The following ZMAT4 variants were observed in gnomAD, a reference collection of about 807,000 sequenced individuals.
ZMAT4 encodes zinc finger matrin-type protein 4.
Under a neutral mutation model 28.7 loss-of-function variants are expected in ZMAT4, and 17 were observed. The observed-to-expected ratio is 0.59, with a 90% CI of 0.41 to 0.89. The LOEUF is 0.89. ZMAT4 is among the 40% of genes least tolerant of loss of function. ZMAT4 has a pLI of 0.00. For missense variants in ZMAT4, 240 were observed against 283.8 expected, an observed-to-expected ratio of 0.85 and a Z score of 1.11; for synonymous variants, 117 against 109.2, an observed-to-expected ratio of 1.07 and a Z score of -0.44.
At chr8:40,634,984 G>A (rs561088055) in intron 5 of ZMAT4, among the ~76,000 whole-genome samples, 97 of 152,180 alleles carry the variant, frequency 6.4e-4, no homozygotes, top group African/African-American at 2.2e-3. Flanking sequence ...AATATTTCTG[G>A]AATCCAATTA....
chr8:40,670,109 G>A (rs963828843), intron 5 of ZMAT4, among the ~76,000 whole-genome samples: 6 of 152,126 alleles, frequency 3.9e-5, no homozygotes, highest in Non-Finnish European at 5.9e-5. Context: ...CGAGAAAGAA[G>A]AAGAAAGTTG....
intron 3 of ZMAT4, among the ~76,000 whole-genome samples, chr8:40,722,047 G>A (rs1382467531): frequency 6.6e-6 from 1 of 151,966 alleles, no homozygotes; most frequent in Non-Finnish European, 1.5e-5. Flanking sequence ...AGATTTAAAT[G>A]TTAGACCTAA....
At chr8:40,731,905 T>A (rs12548788) in intron 3 of ZMAT4, among the ~76,000 whole-genome samples, 38,482 of 152,032 alleles carry the variant, frequency 0.25, 5,531 homozygotes, top group East Asian at 0.56. Context: ...AAAGAAGGAA[T>A]TTCTGACAAA....
At chr8:40,739,954 G>A (rs1811931324) in intron 3 of ZMAT4, among the ~76,000 whole-genome samples, 1 of 152,176 alleles carries the variant, frequency 6.6e-6, no homozygotes, top group Non-Finnish European at 1.5e-5. Flanking sequence ...CTTCATCCAT[G>A]TCCCTGAAAA....
At chr8:40,576,893 A>G (rs191303977) in intron 6 of ZMAT4, among the ~76,000 whole-genome samples, 5 of 152,292 alleles carry the variant, frequency 3.3e-5, no homozygotes, top group East Asian at 3.9e-4. Flanking sequence ...AAAGAAAGTC[A>G]GTGTATTTAA....
At chr8:40,596,118 A>C (rs1012759379) in intron 5 of ZMAT4, among the ~76,000 whole-genome samples, 4 of 151,934 alleles carry the variant, frequency 2.6e-5, no homozygotes, top group Non-Finnish European at 5.9e-5. Context: ...AACAAAAAAA[A>C]CCCCACAATA....
rs574198312 is a variant in ZMAT4, at chr8:40,783,404, G to T, written c.103-15674C>A. Among the ~76,000 whole-genome samples, 12 of 152,278 alleles carry T rather than the reference G, an allele frequency of 7.9e-5. No homozygotes were observed. The South Asian group carries it at 2.5e-3, about 32-fold the overall frequency. Reference sequence around the variant, plus strand: ...TGGTTGCTAGGGGCTTTACAAAGGGGAGAATAGGCACAGACTTTGTTTAAT... The same window carrying T: ...TGGTTGCTAGGGGCTTTACAAAGGGTAGAATAGGCACAGACTTTGTTTAAT... On this transcript the variant is annotated intron_variant, in intron 2 of 6. Transcript: ENST00000297737.
At chr8:40,605,829 G>A (rs1805560818) in intron 5 of ZMAT4, among the ~76,000 whole-genome samples, 12 of 152,010 alleles carry the variant, frequency 7.9e-5, no homozygotes, top group Admixed American at 7.9e-4. Context: ...TAATTGTTTT[G>A]TAGATTTAGG....
intron 2 of ZMAT4, among the ~76,000 whole-genome samples, chr8:40,799,367 G>A (rs546234940): frequency 1.6e-4 from 25 of 152,198 alleles, no homozygotes; most frequent in Middle Eastern, 3.4e-3. Context: ...CTGTCTGTCC[G>A]TCTCTCTCAC....
chr8:40,592,943 G>A (rs560060202), intron 5 of ZMAT4, among the ~76,000 whole-genome samples: 5 of 152,030 alleles, frequency 3.3e-5, no homozygotes, highest in Non-Finnish European at 7.4e-5. Flanking sequence ...TGAATTGAAC[G>A]TTAAGAAAAC....
At chr8:40,724,642 T>C (rs2150520827) in intron 3 of ZMAT4, among the ~76,000 whole-genome samples, 1 of 152,326 alleles carries the variant, frequency 6.6e-6, no homozygotes, top group Admixed American at 6.5e-5. Flanking sequence ...CTCAATGCAC[T>C]GTGATGGGAT....
At chr8:40,623,179 T>C (rs963729942) in intron 5 of ZMAT4, among the ~76,000 whole-genome samples, 5 of 152,034 alleles carry the variant, frequency 3.3e-5, no homozygotes, top group African/African-American at 1.2e-4. Flanking sequence ...GCGTGGATGC[T>C]AAGAGGGCAG....
chr8:40,646,101 G>C (rs189594804), intron 5 of ZMAT4, among the ~76,000 whole-genome samples: 1 of 151,740 alleles, frequency 6.6e-6, no homozygotes, highest in African/African-American at 2.4e-5. Context: ...AGTGAGGACT[G>C]GTTTTGTTGT....
chr8:40,628,466 A>G (rs1176510693), intron 5 of ZMAT4, among the ~76,000 whole-genome samples: 1 of 152,242 alleles, frequency 6.6e-6, no homozygotes, highest in African/African-American at 2.4e-5. Context: ...GAGAAGTTAA[A>G]TAAATTATCC....
chr8:40,577,997 T>C (rs1344112702), intron 6 of ZMAT4, among the ~76,000 whole-genome samples: 1 of 152,016 alleles, frequency 6.6e-6, no homozygotes, highest in Admixed American at 6.6e-5. Context: ...AACTCAGTAT[T>C]TTGAAGGATT....
At chr8:40,838,097 C>T (rs1816563746) in intron 1 of ZMAT4, among the ~76,000 whole-genome samples, 1 of 152,208 alleles carries the variant, frequency 6.6e-6, no homozygotes, top group South Asian at 2.1e-4. Context: ...ACAGCTGGGC[C>T]ATCTGGCAAC....
At chr8:40,614,534 C>T (rs1805925650) in intron 5 of ZMAT4, among the ~76,000 whole-genome samples, 1 of 152,096 alleles carries the variant, frequency 6.6e-6, no homozygotes, top group Non-Finnish European at 1.5e-5. Flanking sequence ...GTGTTAAAGT[C>T]TCCCATTATT....
chr8:40,876,155 G>A (rs964198526), intron 1 of ZMAT4, among the ~76,000 whole-genome samples: 5 of 152,092 alleles, frequency 3.3e-5, no homozygotes, highest in African/African-American at 9.7e-5. Context: ...GCAATGACCC[G>A]CTTATTTTCT....
intron 1 of ZMAT4, among the ~76,000 whole-genome samples, chr8:40,887,142 G>T (rs180996069): frequency 1.0e-3 from 145 of 140,214 alleles, no homozygotes; most frequent in African/African-American, 3.6e-3. Flanking sequence ...CTGCACTCCA[G>T]CCTGGGTGAC....
Sources: gnomAD v4.1 joint callset for allele counts (sites outside exome capture counted in the v4.1 genomes callset) on GRCh38, gnomAD v4.1.1 for gene constraint, MANE v1.5 for transcripts, NCBI Gene and HGNC (gene_info 2026-07-23, HGNC 2026-07-21) for gene names.